Variants in ROBO1 observed in about 807,000 individuals in gnomAD.
ROBO1 encodes the protein roundabout homolog 1.
Under a neutral mutation model 195.9 loss-of-function variants are expected in ROBO1, and 149 were observed. The ratio of observed to expected loss-of-function variants is 0.76; its 90% CI spans 0.67 to 0.87. The LOEUF is 0.87. Ranked by LOEUF, ROBO1 falls within the 40% of genes least tolerant of loss-of-function variation. ROBO1 has a pLI of 0.00. For missense variants in ROBO1, 1,933 were observed against 2,068.3 expected (o/e 0.93, Z 1.27); for synonymous variants, 816 against 733.2 (o/e 1.11, Z -1.82).
intron 1 of ROBO1, among the ~76,000 whole-genome samples, chr3:79,595,095 A>G (rs1174523779): frequency 6.6e-6 from 1 of 151,980 alleles, no homozygotes; most frequent in East Asian, 1.9e-4. Flanking sequence ...TGTTCTATAC[A>G]TATATATAAC....
At chr3:78,927,876 A>G (rs1021346611) in intron 4 of ROBO1, among the ~76,000 whole-genome samples, 2 of 152,218 alleles carry the variant, frequency 1.3e-5, no homozygotes, top group Admixed American at 1.3e-4. Flanking sequence ...TGCCTTTCTG[A>G]AATGAAGAGA....
intron 2 of ROBO1, among the ~76,000 whole-genome samples, chr3:79,476,726 C>T (rs1237333449): frequency 1.3e-5 from 2 of 151,424 alleles, no homozygotes; most frequent in Non-Finnish European, 2.9e-5. Flanking sequence ...GATGCAAAGG[C>T]ATAAGAATGA....
rs79841407 is a variant in ROBO1, at chr3:79,111,026, C to G, written c.172+14430G>C. ...ACCTTTAATGAAGAGCCAATTACTACAAGCCTCTAGAAAACTCAGTGATTT... is the reference window on the plus strand; with the variant it reads ...ACCTTTAATGAAGAGCCAATTACTAGAAGCCTCTAGAAAACTCAGTGATTT... On this transcript the variant is annotated intron_variant, in intron 3 of 30. Transcript: ENST00000464233. Among the ~76,000 whole-genome samples the G allele has an allele frequency of 8.2e-3, 1,243 of 152,220 alleles. 14 individuals carry two copies. Among genetic ancestry groups the G allele is most frequent in the African/African-American group, 0.028 (1,176 of 41,532 alleles).
intron 3 of ROBO1, among the ~76,000 whole-genome samples, chr3:79,040,983 T>C (rs935326597): frequency 1.3e-5 from 2 of 152,146 alleles, no homozygotes; most frequent in Admixed American, 1.3e-4. Flanking sequence ...CTCATGAGCC[T>C]TGGCAGAACA....
intron 3 of ROBO1, among the ~76,000 whole-genome samples, chr3:79,038,278 G>A (rs889414283): frequency 6.6e-6 from 1 of 152,196 alleles, no homozygotes; most frequent in East Asian, 1.9e-4. Context: ...AATTGAAGGA[G>A]CCTTTGAACT....
intron 3 of ROBO1, among the ~76,000 whole-genome samples, chr3:78,987,530 G>A (rs957900214): frequency 1.3e-5 from 2 of 152,098 alleles, no homozygotes; most frequent in Admixed American, 6.6e-5. Flanking sequence ...GAAGTGAGGA[G>A]GGATACTGTT....
chr3:79,384,655 G>A (rs1466892477), intron 2 of ROBO1, among the ~76,000 whole-genome samples: 7 of 151,904 alleles, frequency 4.6e-5, no homozygotes, highest in South Asian at 2.1e-4. Flanking sequence ...ATGTTTACTC[G>A]CTTAATCTCT....
At chr3:79,597,942 T>A (rs1427788813) in intron 1 of ROBO1, among the ~76,000 whole-genome samples, 1 of 152,078 alleles carries the variant, frequency 6.6e-6, no homozygotes, top group Non-Finnish European at 1.5e-5. Context: ...TAGGCACAGC[T>A]ACATTATGAA....
chr3:78,927,598 AT>A (rs1282203367), intron 4 of ROBO1, among the ~76,000 whole-genome samples: 2 of 152,188 alleles, frequency 1.3e-5, no homozygotes, highest in African/African-American at 2.4e-5. Flanking sequence ...TTTCCAAATT[AT>A]TTTTTAACTG....
rs185999465 is a variant in ROBO1, at chr3:79,213,950, C to T, written c.89-88411G>A. Among the ~76,000 whole-genome samples, 446 of 151,226 alleles carry T rather than the reference C, an allele frequency of 2.9e-3. 1 individual carries two copies. The highest frequency in any genetic ancestry group is 0.01 in the African/African-American group (427 of 41,274). On this transcript the variant is annotated intron_variant, in intron 2 of 30. Transcript: ENST00000464233. ...AAGAGATTCTCCTGCCTCAGCCTCC[C>T]TAGCAGCTGGGATTACGGGTGCGCA...
intron 5 of ROBO1, among the ~76,000 whole-genome samples, chr3:78,725,184 C>T (rs778522283): frequency 2.6e-5 from 4 of 152,176 alleles, no homozygotes; most frequent in South Asian, 4.1e-4. Flanking sequence ...TTTCCATAAG[C>T]GCTAGACAGT....
At chr3:79,698,534 T>A (rs1355231197) in intron 1 of ROBO1, among the ~76,000 whole-genome samples, 1 of 151,548 alleles carries the variant, frequency 6.6e-6, no homozygotes, top group African/African-American at 2.4e-5. Context: ...TTTCATATGG[T>A]CTATTCTTCC....
chr3:79,001,395 TC>T (rs1004158035), intron 3 of ROBO1, among the ~76,000 whole-genome samples: 3 of 152,058 alleles, frequency 2.0e-5, no homozygotes, highest in African/African-American at 7.2e-5. Context: ...ACCAGATCCC[TC>T]CCACGACACA....
intron 1 of ROBO1, among the ~76,000 whole-genome samples, chr3:79,615,458 G>A (rs1163591895): frequency 1.3e-5 from 2 of 152,150 alleles, no homozygotes; most frequent in African/African-American, 4.8e-5. Context: ...TTGGGCACAT[G>A]TTCTGAGGAC....
chr3:79,625,595 G>C (rs6548633), intron 1 of ROBO1, among the ~76,000 whole-genome samples: 148,316 of 152,040 alleles, frequency 0.98, 72,364 homozygotes, highest in East Asian at 1. Context: ...TGCAAATGAA[G>C]TAGAGACTCT....
intron 1 of ROBO1, among the ~76,000 whole-genome samples, chr3:79,686,115 C>A (rs1947101345): frequency 6.6e-6 from 1 of 152,086 alleles, no homozygotes. Flanking sequence ...GAACCAAGGA[C>A]AAAAACCATG....
chr3:79,217,777 T>C (rs1266984594), intron 2 of ROBO1, among the ~76,000 whole-genome samples: 1 of 152,072 alleles, frequency 6.6e-6, no homozygotes, highest in East Asian at 1.9e-4. Context: ...AAAATAAATG[T>C]CATTTCTACC....
chr3:79,412,697 A>G (rs559972465), intron 2 of ROBO1, among the ~76,000 whole-genome samples: 11 of 152,208 alleles, frequency 7.2e-5, no homozygotes, highest in African/African-American at 2.2e-4. Context: ...AGAATACTGT[A>G]TAAAGACAGT....
intron 4 of ROBO1, among the ~76,000 whole-genome samples, chr3:78,826,297 T>C (rs2031594316): frequency 6.6e-6 from 1 of 152,186 alleles, no homozygotes; most frequent in Non-Finnish European, 1.5e-5. Context: ...TGGCACATTA[T>C]TGCTTAAATG....
Sources: allele counts gnomAD v4.1 joint callset (sites outside exome capture counted in the v4.1 genomes callset), GRCh38; gene constraint gnomAD v4.1.1; transcripts MANE v1.5; gene names NCBI Gene and HGNC (gene_info 2026-07-23, HGNC 2026-07-21).